Variants in USP2 observed in about 807,000 individuals in gnomAD.
USP2 encodes ubiquitin specific peptidase 2.
Under a neutral mutation model 72.0 loss-of-function variants are expected in USP2, and 33 were observed. The observed-to-expected ratio is 0.46, with a 90% CI of 0.35 to 0.61. USP2 has a LOEUF of 0.61. USP2 is among the 20% of genes least tolerant of loss of function. The pLI, the probability that USP2 is intolerant of heterozygous loss-of-function variation, is 0.01. For missense variants in USP2, 691 were observed against 797.8 expected, an observed-to-expected ratio of 0.87 and a Z score of 1.61; for synonymous variants, 296 against 312.5, an observed-to-expected ratio of 0.95 and a Z score of 0.56.
chr11:119,372,029 C>T (rs1409465313), intron 2 of USP2, among the ~76,000 whole-genome samples: 4 of 152,208 alleles, frequency 2.6e-5, no homozygotes, highest in African/African-American at 9.7e-5. Context: ...CGAGCCCATG[C>T]CAGCCCTTGG....
chr11:119,380,488 C>T (rs543830677), intron 1 of USP2, among the ~76,000 whole-genome samples: 2 of 152,222 alleles, frequency 1.3e-5, no homozygotes, highest in South Asian at 2.1e-4. Flanking sequence ...GCCACAGAGC[C>T]GGGCTGGGCA....
rs1400241024 is a variant in USP2 at position 119,355,700 on chromosome 11, G to C, written c.*1135C>G. The C allele has an allele frequency of 1.3e-5, 2 of 152,428 alleles. No individual in the cohort carries two copies. Among genetic ancestry groups the C allele is most frequent in the Non-Finnish European group, 2.9e-5 (2 of 68,256 alleles). 9.4% of individuals were successfully genotyped at this position (152,428 alleles called of 1,614,324 possible). A position where few individuals can be genotyped will look rare whatever the true frequency, so the allele number is the denominator to read the frequency against. On this transcript the variant is annotated 3_prime_UTR_variant, in exon 13 of 13. Transcript: ENST00000260187. ...AAGGGGGCGGGGGCAGGAAGGCCAG[G>C]GGGAAAGGGATGTTAAGAGAATAAA... is the stretch of plus-strand genomic sequence containing the variant.
intron 2 of USP2, chr11:119,363,733 G>T (rs1032942342): frequency 3.3e-5 from 24 of 718,692 alleles, no homozygotes; most frequent in African/African-American, 5.6e-5. Flanking sequence ...GGAAAGGAGG[G>T]GTGGGGGCTG....
chr11:119,361,629 G>T (rs1412572481), intron 2 of USP2, among the ~76,000 whole-genome samples: 1 of 151,994 alleles, frequency 6.6e-6, no homozygotes, highest in East Asian at 1.9e-4. Context: ...GGGTGTGGGT[G>T]GGGGAGGAGC....
intron 2 of USP2, among the ~76,000 whole-genome samples, chr11:119,371,151 T>C (rs887655334): frequency 6.6e-6 from 1 of 152,112 alleles, no homozygotes; most frequent in Non-Finnish European, 1.5e-5. Context: ...CGTTAAGCCC[T>C]GCAGTGACTC....
chr11:119,356,709 C>A lies in USP2; in HGVS notation c.*126G>T, dbSNP rs2135383481. The A allele has an allele frequency of 5.0e-6, 5 of 1,001,982 alleles. No individual in the cohort carries two copies. In the East Asian group the frequency reaches 1.3e-4, roughly 27 times the overall value. 62.1% of individuals were successfully genotyped at this position (1,001,982 alleles called of 1,614,324 possible). A position where few individuals can be genotyped will look rare whatever the true frequency, so the allele number is the denominator to read the frequency against. ...TCAGGCTGCATCCACTCCTGCTCGG[C>A]AGCTTCAGGTTTGTTTTTCTCTTGT... On this transcript the variant is annotated 3_prime_UTR_variant, in exon 13 of 13. Transcript: ENST00000260187.
Position 119,357,749 on chromosome 11 carries a change from A to C in USP2, c.1501+8T>G, listed in dbSNP as rs371245887. ...TCATGTCCCAGCCCTGATGGATCTT[A>C]AGGATACGGAGCACCAAGATCTTTG... On this transcript the variant is annotated splice_region_variant and intron_variant, in intron 10 of 12. Transcript: ENST00000260187. 9 of 1,613,680 alleles carry C rather than the reference A, an allele frequency of 5.6e-6. No homozygotes were observed. The African/African-American group carries it at 9.3e-5, about 17-fold the overall frequency.
In USP2 at chr11:119,373,041, G is replaced by A. The variant is rs757000939; in HGVS notation, c.440C>T (p.Ala147Val). The change falls in exon 2 of 13, where the codon GCC becomes GTC. Residue 147 changes from alanine to valine, a missense_variant. By Grantham distance (64) the Ala-to-Val change is moderately conservative (BLOSUM62 0). Transcript: ENST00000260187. ...TQKLDSQSDL[A>V]RDFSSLRTSD... The stretch of plus-strand genomic sequence containing the variant: ...GGTCCGGAGGCTGGAGAAATCCCGG[G>A]CCAGGTCTGATTGGCTGTCCAGCTT... 5 of 1,613,942 alleles carry A rather than the reference G, an allele frequency of 3.1e-6. No individual in the cohort carries two copies. Among genetic ancestry groups the A allele is most frequent in the East Asian group, 2.2e-5 (1 of 44,890 alleles).
intron 2 of USP2, among the ~76,000 whole-genome samples, chr11:119,372,067 A>G (rs552650134): frequency 8.7e-4 from 133 of 152,278 alleles, no homozygotes; most frequent in African/African-American, 3.2e-3. Flanking sequence ...CTCTTCCCTC[A>G]TTCCAGCTGA....
chr11:119,372,744 C>G lies in USP2; in HGVS notation c.737G>C (p.Gly246Ala), dbSNP rs1458888757. 3 of 1,535,818 alleles carry G rather than the reference C, an allele frequency of 2.0e-6. No homozygotes were observed. Among genetic ancestry groups the G allele is most frequent in the Non-Finnish European group, 1.7e-6 (2 of 1,145,112 alleles). The change falls in exon 2 of 13, where the codon GGG (glycine) becomes GCG (alanine). Residue 246 changes from glycine to alanine, a missense_variant. Coordinates refer to ENST00000260187, the MANE Select transcript of USP2 (RefSeq NM_004205.5). ...TCCCGGGGAGCTGGAGCGGCTGGGC[C>G]CAGGGGCCTGACCCTTTCCCGTCTC... is the stretch of plus-strand genomic sequence containing the variant. ...LWETGKGQAPGPSRSSSPGRD... is the reference protein window; with the variant it reads ...LWETGKGQAPAPSRSSSPGRD...
Position 119,356,459 on chromosome 11 carries a change from C to T in USP2, c.*376G>A. 1 of 184,130 alleles carries T rather than the reference C, an allele frequency of 5.4e-6. No homozygotes were observed. The highest frequency in any genetic ancestry group is 1.1e-5 in the Non-Finnish European group (1 of 88,504). 11.4% of individuals were successfully genotyped at this position (184,130 alleles called of 1,614,324 possible). ...GGCGTCCAGGCGGTGATGCTCCCAGCGAGCTCCAGAGGGCGCTGTCCCCTC... is the reference window on the plus strand; with the variant it reads ...GGCGTCCAGGCGGTGATGCTCCCAGTGAGCTCCAGAGGGCGCTGTCCCCTC... On this transcript the variant is annotated 3_prime_UTR_variant, in exon 13 of 13. Coordinates refer to ENST00000260187, the MANE Select transcript of USP2 (RefSeq NM_004205.5).
rs71484137 is a variant in USP2 at position 119,372,622 on chromosome 11, G to A, written c.774+85C>T. On this transcript the variant is annotated intron_variant, in intron 2 of 12. Transcript: ENST00000260187. Reference sequence around the variant, plus strand: ...GGAGCAGCCTGTCAGTCATCAGTCAGGTTGGGAGTCGAGCCCTCAGCCTGG... The same window carrying A: ...GGAGCAGCCTGTCAGTCATCAGTCAAGTTGGGAGTCGAGCCCTCAGCCTGG... The A allele has an allele frequency of 4.1e-3, 5,434 of 1,333,470 alleles. 19 individuals carry two copies. The highest frequency in any genetic ancestry group is 5.5e-3 in the South Asian group (370 of 67,350). The allele number at this position is 1,333,470 out of a possible 1,614,324, so 82.6% of individuals were successfully genotyped here. A position where few individuals can be genotyped will look rare whatever the true frequency, so the allele number is the denominator to read the frequency against.
In USP2 at chr11:119,358,266, G is replaced by A; in HGVS notation, c.1238-14C>T. The A allele has an allele frequency of 2.5e-6, 4 of 1,610,996 alleles. No individual in the cohort carries two copies. Among genetic ancestry groups the A allele is most frequent in the Non-Finnish European group, 3.4e-6 (4 of 1,178,618 alleles). On this transcript the variant is annotated splice_polypyrimidine_tract_variant and intron_variant, in intron 7 of 12. Transcript: ENST00000260187. ...CAACAAAGAGATCTGGGGAAGAGAA[G>A]GCCATGAGATGCTGAAATACAGGAA...
intron 1 of USP2, among the ~76,000 whole-genome samples, chr11:119,380,990 T>C (rs549793730): frequency 6.6e-6 from 1 of 152,258 alleles, no homozygotes; most frequent in African/African-American, 2.4e-5. Flanking sequence ...CGTGCCTGCT[T>C]CTGGTTTGGG....
chr11:119,366,175 G>T (rs943249845), intron 2 of USP2, among the ~76,000 whole-genome samples: 1 of 152,208 alleles, frequency 6.6e-6, no homozygotes, highest in East Asian at 1.9e-4. Flanking sequence ...GATTACAGGC[G>T]TGAGCCACCA....
intron 2 of USP2, among the ~76,000 whole-genome samples, chr11:119,372,341 G>T (rs554660846): frequency 1.3e-5 from 2 of 152,332 alleles, no homozygotes; most frequent in Admixed American, 6.5e-5. Context: ...TGCACTGGTG[G>T]TCTGGGCCCC....
At chr11:119,378,525 CTCTT>C (rs1331442838) in intron 1 of USP2, among the ~76,000 whole-genome samples, 1 of 152,158 alleles carries the variant, frequency 6.6e-6, no homozygotes, top group African/African-American at 2.4e-5. Flanking sequence ...GGGTCCATTT[CTCTT>C]TCTTGTGCTC....
At chr11:119,357,717 T>A in intron 10 of USP2, 40 bp downstream of exon 10, 1 of 1,613,484 alleles carries the variant, frequency 6.2e-7, no homozygotes, top group South Asian at 1.1e-5. Flanking sequence ...TCAGTCACCC[T>A]TGAAAGTCAT....
At chr11:119,363,247 GC>G (rs1356109705) in intron 2 of USP2, among the ~76,000 whole-genome samples, 1 of 152,204 alleles carries the variant, frequency 6.6e-6, no homozygotes, top group African/African-American at 2.4e-5. Flanking sequence ...CCCAGCCTCG[GC>G]CCCGGCATTC....
Sources: allele counts gnomAD v4.1 joint callset (sites outside exome capture counted in the v4.1 genomes callset), GRCh38; gene constraint gnomAD v4.1.1; transcripts MANE v1.5; gene names NCBI Gene and HGNC (gene_info 2026-07-23, HGNC 2026-07-21).